The following ARHGAP10 variants were observed in gnomAD, a reference collection of about 807,000 sequenced individuals.
The protein encoded by ARHGAP10 is rho GTPase-activating protein 10.
ARHGAP10 carries 87 observed loss-of-function variants against 108.6 expected under a neutral mutation model. The observed-to-expected ratio is 0.80, with a 90% CI of 0.67 to 0.96. ARHGAP10 has a LOEUF of 0.96. ARHGAP10 is among the 40% of genes least tolerant of loss of function. The pLI, the probability that ARHGAP10 is intolerant of heterozygous loss-of-function variation, is 0.00. For missense variants in ARHGAP10, 939 were observed against 954.5 expected, an observed-to-expected ratio of 0.98 and a Z score of 0.21; for synonymous variants, 347 against 341.1, an observed-to-expected ratio of 1.02 and a Z score of -0.19.
intron 4 of ARHGAP10, among the ~76,000 whole-genome samples, chr4:147,853,757 G>C (rs537754062): frequency 6.6e-6 from 1 of 151,700 alleles, no homozygotes; most frequent in South Asian, 2.1e-4. Context: ...TTTTATATTG[G>C]CAAGTTCTTA....
chr4:147,977,081 C>T (rs1739624165), intron 18 of ARHGAP10, among the ~76,000 whole-genome samples: 1 of 152,218 alleles, frequency 6.6e-6, no homozygotes. Flanking sequence ...TCTGCCCAAG[C>T]ATCTGGAGAT....
At chr4:147,825,988 T>G (rs1579087676) in intron 3 of ARHGAP10, among the ~76,000 whole-genome samples, 1 of 151,972 alleles carries the variant, frequency 6.6e-6, no homozygotes, top group Non-Finnish European at 1.5e-5. Context: ...TGGCAGGCAG[T>G]GAAAAATGCT....
At chr4:147,754,017 A>G (rs531308719) in intron 1 of ARHGAP10, among the ~76,000 whole-genome samples, 2 of 152,118 alleles carry the variant, frequency 1.3e-5, no homozygotes, top group South Asian at 4.2e-4. Flanking sequence ...GATACCCCTC[A>G]CCTTGCCTGT....
At chr4:148,008,465 C>A (rs1741036105) in intron 18 of ARHGAP10, among the ~76,000 whole-genome samples, 1 of 151,150 alleles carries the variant, frequency 6.6e-6, no homozygotes, top group African/African-American at 2.4e-5. Context: ...TTTTGGTGAT[C>A]CCCACTGGGG....
intron 10 of ARHGAP10, among the ~76,000 whole-genome samples, chr4:147,892,012 AC>A (rs1560812711): frequency 6.6e-6 from 1 of 152,166 alleles, no homozygotes; most frequent in Non-Finnish European, 1.5e-5. Flanking sequence ...GTTCTCCCAC[AC>A]ATCACATTCA....
intron 18 of ARHGAP10, among the ~76,000 whole-genome samples, chr4:147,970,389 T>C (rs1249040387): frequency 2.0e-5 from 3 of 146,978 alleles, no homozygotes; most frequent in African/African-American, 7.6e-5. Context: ...TTGAAAAGAG[T>C]AGTCTGAGAA....
At chr4:147,913,857 T>TA (rs913329519) in intron 13 of ARHGAP10, among the ~76,000 whole-genome samples, 7 of 152,076 alleles carry the variant, frequency 4.6e-5, no homozygotes, top group African/African-American at 1.7e-4. Context: ...GGTCCCTGTT[T>TA]AAAAAAATCA....
intron 18 of ARHGAP10, among the ~76,000 whole-genome samples, chr4:147,980,846 G>C (rs989610246): frequency 2.6e-5 from 4 of 152,090 alleles, no homozygotes; most frequent in Admixed American, 2.6e-4. Flanking sequence ...GATGTTCATA[G>C]TAGTCTCTGG....
chr4:147,763,352 G>A (rs563137739), intron 1 of ARHGAP10, among the ~76,000 whole-genome samples: 3 of 147,460 alleles, frequency 2.0e-5, no homozygotes, highest in East Asian at 4.0e-4. Context: ...TCGCTCTGTC[G>A]CCAGGCTGGA....
chr4:147,946,011 G>A (rs778821836), intron 14 of ARHGAP10, among the ~76,000 whole-genome samples: 1 of 152,156 alleles, frequency 6.6e-6, no homozygotes, highest in Non-Finnish European at 1.5e-5. Flanking sequence ...CCCCCAGTGC[G>A]CGTGTGGGCC....
intron 10 of ARHGAP10, among the ~76,000 whole-genome samples, chr4:147,892,999 C>A (rs1361925111): frequency 6.6e-6 from 1 of 152,130 alleles, no homozygotes; most frequent in Non-Finnish European, 1.5e-5. Flanking sequence ...TTGAGAAGTC[C>A]TGATTTAATG....
intron 1 of ARHGAP10, among the ~76,000 whole-genome samples, chr4:147,793,030 C>G (rs1359033048): frequency 1.3e-5 from 2 of 152,036 alleles, no homozygotes; most frequent in Non-Finnish European, 2.9e-5. Context: ...CCCAGCTACT[C>G]TGGAGGCTGA....
intron 10 of ARHGAP10, among the ~76,000 whole-genome samples, chr4:147,899,896 T>C (rs1736165248): frequency 2.0e-5 from 3 of 151,958 alleles, no homozygotes; most frequent in Non-Finnish European, 4.4e-5. Context: ...TTTTTTCCTT[T>C]TCAACATTCC....
chr4:148,071,379 G>A (rs1332498660), intron 22 of ARHGAP10, among the ~76,000 whole-genome samples: 8 of 152,248 alleles, frequency 5.3e-5, no homozygotes, highest in African/African-American at 1.7e-4. Flanking sequence ...ACTCTGGGGG[G>A]CCAAGGCGAG....
chr4:147,875,405 A>C (rs1735017818), intron 8 of ARHGAP10, among the ~76,000 whole-genome samples: 1 of 152,132 alleles, frequency 6.6e-6, no homozygotes, highest in Admixed American at 6.5e-5. Context: ...TCTGTTTTAC[A>C]CTGTGTGCAC....
intron 13 of ARHGAP10, among the ~76,000 whole-genome samples, chr4:147,923,959 C>T (rs1178078894): frequency 1.3e-5 from 2 of 152,168 alleles, no homozygotes; most frequent in Non-Finnish European, 2.9e-5. Context: ...AGAAAATTTA[C>T]AGCAAGTAAA....
intron 13 of ARHGAP10, among the ~76,000 whole-genome samples, chr4:147,919,787 G>A (rs1339309585): frequency 1.3e-5 from 2 of 151,952 alleles, no homozygotes; most frequent in Non-Finnish European, 2.9e-5. Context: ...CACCATGTTG[G>A]CGAGGCTGGT....
chr4:147,881,865 G>T lies in ARHGAP10; in HGVS notation c.967G>T (p.Glu323Ter). The change falls in exon 10 of 23, where the codon GAA becomes TAA. Residue 323 changes from glutamate to a stop codon, truncating the protein, a stop_gained. Coordinates refer to ENST00000336498, the MANE Select transcript of ARHGAP10 (RefSeq NM_024605.4). LOFTEE classifies it high-confidence loss of function. ...LGDGEVFFLK[E>*]CTKRHTDSID... The stretch of plus-strand genomic sequence containing the variant: ...GGACGGAGAGGTGTTCTTTTTGAAA[G>T]AATGTACCAAGAGGCATACTGACTC... 1 of 1,613,972 alleles carries T rather than the reference G, an allele frequency of 6.2e-7. No individual in the cohort carries two copies. Among genetic ancestry groups the T allele is most frequent in the Non-Finnish European group, 8.5e-7 (1 of 1,179,966 alleles).
chr4:147,736,856 C>T lies in ARHGAP10; in HGVS notation c.154+4401C>T, dbSNP rs548016629. On this transcript the variant is annotated intron_variant, in intron 1 of 22. Coordinates refer to ENST00000336498, the MANE Select transcript of ARHGAP10 (RefSeq NM_024605.4). ...TGTATCCCAGTTCTGACCAAGGAGA[C>T]GTGACAGGAAGTCTGGGTACTGCAG... Among the ~76,000 whole-genome samples the T allele has an allele frequency of 1.1e-4, 17 of 152,230 alleles. 1 individual carries two copies. Among genetic ancestry groups the T allele is most frequent in the South Asian group, 8.3e-4 (4 of 4,820 alleles).
Sources: gnomAD v4.1 joint callset for allele counts (sites outside exome capture counted in the v4.1 genomes callset) on GRCh38, gnomAD v4.1.1 for gene constraint, MANE v1.5 for transcripts, NCBI Gene and HGNC (gene_info 2026-07-23, HGNC 2026-07-21) for gene names.